Variants in LRRC8B observed in about 807,000 individuals in gnomAD.
LRRC8B encodes the protein leucine rich repeat containing 8 VRAC subunit B.
A neutral mutation model predicts 58.8 loss-of-function variants in LRRC8B; 23 were observed. That is an observed-to-expected ratio of 0.39 (90% CI 0.28 to 0.55). The LOEUF (loss-of-function observed/expected upper bound fraction) is 0.55. Among genes scored for constraint, LRRC8B ranks in the 20% least tolerant of loss-of-function variants. The probability of loss-of-function intolerance (pLI) is 0.62; values close to 1 mark genes in which losing one functional copy is unlikely to be tolerated. For missense variants in LRRC8B, 694 were observed against 936.0 expected (o/e 0.74, Z 3.37); for synonymous variants, 359 against 374.1 (o/e 0.96, Z 0.47).
chr1:89,536,851 A>G (rs1458976500), intron 1 of LRRC8B, among the ~76,000 whole-genome samples: 1 of 152,200 alleles, frequency 6.6e-6, no homozygotes, highest in Non-Finnish European at 1.5e-5. Context: ...TGTGTGAAAG[A>G]AACCTCAGAG....
intron 3 of LRRC8B, among the ~76,000 whole-genome samples, chr1:89,577,679 A>G (rs1211315475): frequency 6.6e-6 from 1 of 152,202 alleles, no homozygotes; most frequent in Admixed American, 6.5e-5. Context: ...TGTTTTATAT[A>G]TACTTAAATC....
intron 1 of LRRC8B, among the ~76,000 whole-genome samples, chr1:89,555,124 C>G (rs1294297083): frequency 6.6e-6 from 1 of 152,102 alleles, no homozygotes; most frequent in Non-Finnish European, 1.5e-5. Context: ...TTATGAAGCC[C>G]GAAGCCAGCC....
rs530940845 is a variant in LRRC8B, at chr1:89,530,247, T to C, written c.-241+5225T>C. 7.3e-4 allele frequency among the ~76,000 whole-genome samples: 110 copies of C among 150,608 alleles called. 1 individual carries two copies. The highest frequency in any genetic ancestry group is 2.6e-3 in the African/African-American group (107 of 41,002). ...AGTGGTGGGCGCCTATAGTCCCAGC[T>C]ACTCGGGAGGCTGAGGCAGGAGAAT... On this transcript the variant is annotated intron_variant, in intron 1 of 5. Transcript: ENST00000330947.
intron 3 of LRRC8B, among the ~76,000 whole-genome samples, chr1:89,569,484 G>A (rs1653284293): frequency 6.6e-6 from 1 of 151,990 alleles, no homozygotes; most frequent in South Asian, 2.1e-4. Flanking sequence ...TGCTTTTGGA[G>A]TCCCCAGTGT....
intron 1 of LRRC8B, among the ~76,000 whole-genome samples, chr1:89,548,096 T>C (rs190476918): frequency 6.6e-6 from 1 of 152,366 alleles, no homozygotes; most frequent in Admixed American, 6.5e-5. Context: ...TGAATTAAAT[T>C]AGTCCTAATC....
chr1:89,575,090 GTTTAGTGTGCT>G (rs1653745812), intron 3 of LRRC8B, among the ~76,000 whole-genome samples: 1 of 152,190 alleles, frequency 6.6e-6, no homozygotes, highest in Non-Finnish European at 1.5e-5. Context: ...TTGGGAAAGG[GTTTAGTGTGCT>G]TTCCATGTAA....
chr1:89,526,197 C>T (rs942421037), intron 1 of LRRC8B, among the ~76,000 whole-genome samples: 2 of 152,070 alleles, frequency 1.3e-5, no homozygotes, highest in East Asian at 3.9e-4. Flanking sequence ...CCTGAGAACC[C>T]CAAATGCTCT....
intron 5 of LRRC8B, among the ~76,000 whole-genome samples, chr1:89,585,448 A>T (rs988997258): frequency 1.3e-5 from 2 of 152,188 alleles, no homozygotes; most frequent in African/African-American, 4.8e-5. Context: ...AACAAAATAA[A>T]TGAGTAGTTT....
intron 5 of LRRC8B, chr1:89,588,086 C>T (rs919467811): frequency 6.6e-5 from 10 of 152,212 alleles, no homozygotes; most frequent in African/African-American, 2.4e-4. Flanking sequence ...TATAGGAGAG[C>T]TGAGAACACA....
intron 3 of LRRC8B, among the ~76,000 whole-genome samples, chr1:89,568,742 TATG>T (rs1653217594): frequency 6.6e-6 from 1 of 152,278 alleles, no homozygotes; most frequent in Non-Finnish European, 1.5e-5. Context: ...TATATGTGTA[TATG>T]ATATTTGTCA....
At chr1:89,558,632 G>T (rs1652368854) in intron 1 of LRRC8B, 1 of 152,116 alleles carries the variant, frequency 6.6e-6, no homozygotes, top group Admixed American at 6.5e-5. Flanking sequence ...TTAGGTGCCT[G>T]CCTTAGTCTG....
At chr1:89,576,882 C>T (rs1397164317) in intron 3 of LRRC8B, among the ~76,000 whole-genome samples, 1 of 152,068 alleles carries the variant, frequency 6.6e-6, no homozygotes, top group Admixed American at 6.6e-5. Context: ...ATGTTTAATG[C>T]TTGTCATTAA....
At position 89,596,174 on chromosome 1, in the gene LRRC8B, A is replaced by G. The variant is rs994239436; in HGVS notation, c.*3131A>G. 3 of 152,154 alleles carry G rather than the reference A, an allele frequency of 2.0e-5. No homozygotes were observed. The highest frequency in any genetic ancestry group is 4.4e-5 in the Non-Finnish European group (3 of 67,986). The allele number at this position is 152,154 out of a possible 1,614,324, so 9.4% of individuals were successfully genotyped here. A position where few individuals can be genotyped will look rare whatever the true frequency, so the allele number is the denominator to read the frequency against. ...AGTTATGACATTTAGAAGAAATCAC[A>G]TGCTCAACCTTAATCTGAGAACCTA... On this transcript the variant is annotated 3_prime_UTR_variant, in exon 6 of 6. Transcript: ENST00000330947.
chr1:89,555,043 A>C (rs1382109972), intron 1 of LRRC8B, among the ~76,000 whole-genome samples: 1 of 152,106 alleles, frequency 6.6e-6, no homozygotes, highest in Non-Finnish European at 1.5e-5. Flanking sequence ...AAACCATTGA[A>C]ACTCTGTTTC....
At chr1:89,569,456 C>A (rs1351516234) in intron 3 of LRRC8B, among the ~76,000 whole-genome samples, 4 of 152,036 alleles carry the variant, frequency 2.6e-5, no homozygotes, top group Admixed American at 1.3e-4. Context: ...TCAGCCCTTG[C>A]CTCCCTCCCT....
intron 1 of LRRC8B, among the ~76,000 whole-genome samples, chr1:89,533,885 G>A (rs1248911477): frequency 6.6e-6 from 1 of 152,164 alleles, no homozygotes; most frequent in Non-Finnish European, 1.5e-5. Context: ...TCTCCTTGAA[G>A]GTTGGAAGTA....
intron 1 of LRRC8B, among the ~76,000 whole-genome samples, chr1:89,527,307 T>A (rs539598774): frequency 6.6e-6 from 1 of 152,254 alleles, no homozygotes; most frequent in Non-Finnish European, 1.5e-5. Context: ...GTCTCTAAAG[T>A]TGAATTCTCT....
chr1:89,570,669 T>C (rs1299529839), intron 3 of LRRC8B, among the ~76,000 whole-genome samples: 1 of 152,224 alleles, frequency 6.6e-6, no homozygotes, highest in African/African-American at 2.4e-5. Flanking sequence ...AGGTTGTCTG[T>C]TTACTCTGTT....
chr1:89,526,367 A>G (rs1231597533), intron 1 of LRRC8B, among the ~76,000 whole-genome samples: 1 of 152,172 alleles, frequency 6.6e-6, no homozygotes, highest in South Asian at 2.1e-4. Flanking sequence ...GGGGCCCGCC[A>G]CCACGCCCAG....
Sources: gnomAD v4.1 joint callset for allele counts (sites outside exome capture counted in the v4.1 genomes callset) on GRCh38, gnomAD v4.1.1 for gene constraint, MANE v1.5 for transcripts, NCBI Gene and HGNC (gene_info 2026-07-23, HGNC 2026-07-21) for gene names.